The following CANX variants were observed in gnomAD, a reference collection of about 807,000 sequenced individuals.
The protein encoded by CANX is calnexin.
A neutral mutation model predicts 75.7 loss-of-function variants in CANX; 14 were observed. That is an observed-to-expected ratio of 0.19 (90% CI 0.12 to 0.29). CANX has a LOEUF of 0.29. Ranked by LOEUF, CANX falls within the 10% of genes least tolerant of loss-of-function variation. CANX has a pLI of 1.00. For missense variants in CANX, 567 were observed against 713.2 expected, an observed-to-expected ratio of 0.79 and a Z score of 2.34; for synonymous variants, 227 against 236.9, an observed-to-expected ratio of 0.96 and a Z score of 0.38.
At chr5:179,685,296 T>TG (rs1009025442) in intron 1 of CANX, among the ~76,000 whole-genome samples, 49 of 152,028 alleles carry the variant, frequency 3.2e-4, no homozygotes, top group Non-Finnish European at 1.0e-4. Flanking sequence ...TTTTTTGAGA[T>TG]GGAGTTTCAC....
exon 1 of CANX, chr5:179,678,758 A>G (rs1775969271): frequency 1.3e-6 from 2 of 1,537,088 alleles, no homozygotes; most frequent in East Asian, 2.4e-5. Context: ...GTCTATGAGC[A>G]GTTCCTGCTG....
At chr5:179,684,572 C>T (rs959336576) in intron 1 of CANX, among the ~76,000 whole-genome samples, 1 of 151,164 alleles carries the variant, frequency 6.6e-6, no homozygotes. Flanking sequence ...GATCTCCTGA[C>T]CCCATGATCC....
chr5:179,699,041 CG>C lies in CANX; in HGVS notation c.-61del. 9.0e-7 allele frequency: 1 copy of C among 1,110,822 alleles called. No individual in the cohort carries two copies. Among genetic ancestry groups the C allele is most frequent in the Non-Finnish European group, 1.1e-6 (1 of 903,176 alleles). 68.8% of individuals were successfully genotyped at this position (1,110,822 alleles called of 1,614,324 possible). On this transcript the variant is annotated 5_prime_UTR_variant, in exon 1 of 15. Coordinates refer to ENST00000247461, the MANE Select transcript of CANX (RefSeq NM_001746.4). ...CTCCGCCTCTCTCTTTACTGCGGCG[CG>C]GGGCAAGGTGTGCGGGCGGGAAGGG... is the stretch of plus-strand genomic sequence containing the variant.
chr5:179,691,060 C>G (rs1562440578), intron 1 of CANX, among the ~76,000 whole-genome samples: 1 of 151,988 alleles, frequency 6.6e-6, no homozygotes, highest in Admixed American at 6.6e-5. Context: ...TGTGCTCACT[C>G]TGTTGCCCAG....
rs750752034 is a variant in CANX at position 179,709,863 on chromosome 5, G to C, written c.529-10G>C. On this transcript the variant is annotated splice_polypyrimidine_tract_variant and intron_variant, in intron 6 of 14. Transcript: ENST00000247461. ...CAGTGACTTCAAATAATCCTTTTTT[G>C]TTTTTGAAGGATCAGTTCCATGACA... 2 of 1,538,204 alleles carry C rather than the reference G, an allele frequency of 1.3e-6. No individual in the cohort carries two copies. The highest frequency in any genetic ancestry group is 1.7e-6 in the Non-Finnish European group (2 of 1,144,602).
At chr5:179,713,786 T>C (rs1390038177) in intron 7 of CANX, among the ~76,000 whole-genome samples, 1 of 152,134 alleles carries the variant, frequency 6.6e-6, no homozygotes, top group African/African-American at 2.4e-5. Context: ...TGGTAGCATG[T>C]ACCTCTAGTC....
In CANX at chr5:179,719,717, G is replaced by A. The variant is rs140056120; in HGVS notation, c.961G>A (p.Glu321Lys). 37 of 1,613,316 alleles carry A rather than the reference G, an allele frequency of 2.3e-5. No homozygotes were observed. In the African/African-American group the frequency reaches 3.9e-4, roughly 17 times the overall value. Residue 321 changes from glutamate (E) to lysine (K), a missense_variant, in exon 9 of 15, where the codon GAA becomes AAA. Physicochemically the swap from Glu to Lys is moderately conservative, Grantham distance 56. Coordinates refer to ENST00000247461, the MANE Select transcript of CANX (RefSeq NM_001746.4). Reference sequence around the variant, plus strand: ...TCCAGATGAAGAGGCCACAAAACCCGAAGGCTGGTTAGATGATGAGCCTGA... The same window carrying A: ...TCCAGATGAAGAGGCCACAAAACCCAAAGGCTGGTTAGATGATGAGCCTGA... ...KIPDEEATKP[E>K]GWLDDEPEYV...
Position 179,724,855 on chromosome 5 carries a change from T to C in CANX, c.1645+72T>C. The C allele has an allele frequency of 2.0e-6, 3 of 1,516,256 alleles. No homozygotes were observed. The South Asian group carries it at 3.7e-5, about 19-fold the overall frequency. The allele number at this position is 1,516,256 out of a possible 1,614,324, so 93.9% of individuals were successfully genotyped here. On this transcript the variant is annotated intron_variant, in intron 13 of 14. Transcript: ENST00000247461. ...ATGTTGTTAAACCTTTACAGTCAAG[T>C]TAAGGATTGTTTTTAGCCAGGCGTG...
chr5:179,701,585 A>G (rs1776761988), intron 1 of CANX, among the ~76,000 whole-genome samples: 1 of 152,074 alleles, frequency 6.6e-6, no homozygotes, highest in South Asian at 2.1e-4. Context: ...AAACAAAAAA[A>G]AAAGTGTAAT....
At chr5:179,720,297 A>T (rs1165098254) in intron 9 of CANX, 107 bp from the exon 10 acceptor site, 2 of 696,886 alleles carry the variant, frequency 2.9e-6, no homozygotes, top group Non-Finnish European at 4.9e-6. Flanking sequence ...CTGGTCTGGG[A>T]TACTGTGAAA....
chr5:179,689,193 G>A (rs1164432116), intron 1 of CANX, among the ~76,000 whole-genome samples: 1 of 152,090 alleles, frequency 6.6e-6, no homozygotes, highest in Non-Finnish European at 1.5e-5. Flanking sequence ...GTTGCAGTGA[G>A]CAGAGATCGT....
chr5:179,705,789 C>A lies in CANX; in HGVS notation c.108C>A (p.Asp36Glu). 1 of 1,612,418 alleles carries A rather than the reference C, an allele frequency of 6.2e-7. No homozygotes were observed. The highest frequency in any genetic ancestry group is 8.5e-7 in the Non-Finnish European group (1 of 1,178,540). ...DDVIDIEDDL[D>E]DVIEEVEDSK... is the part of the protein sequence containing the mutation. The stretch of plus-strand genomic sequence containing the variant: ...TGATTGATATTGAGGATGACCTTGA[C>A]GATGTCATTGAAGAGGTAGAAGACT... The change falls in exon 2 of 15, where the codon GAC becomes GAA. Residue 36 changes from aspartate (D) to glutamate (E), a missense_variant. By Grantham distance (45) the Asp-to-Glu change is conservative. Around this residue, in one of 3 missense-constraint regions of CANX, gnomAD observed 351 missense variants for 433.8 expected, o/e 0.81. Transcript: ENST00000247461.
At chr5:179,697,048 CTGTT>C (rs1220396866), upstream of CANX, among the ~76,000 whole-genome samples, 1 of 152,196 alleles carries the variant, frequency 6.6e-6, no homozygotes, top group East Asian at 1.9e-4. Flanking sequence ...TGTAAAACAT[CTGTT>C]TGTTTTTATT....
rs563513896 is a variant in CANX at position 179,703,311 on chromosome 5, A to G, written c.-3-2368A>G. On this transcript the variant is annotated intron_variant, in intron 1 of 14. Transcript: ENST00000247461. Reference sequence around the variant, plus strand: ...CGGGTCACTGCATCCTCCGCCTCCCAGGTTCAAGCGATTCTCCTCCCTCAG... The same window carrying G: ...CGGGTCACTGCATCCTCCGCCTCCCGGGTTCAAGCGATTCTCCTCCCTCAG... Among the ~76,000 whole-genome samples the G allele has an allele frequency of 2.1e-5, 3 of 146,218 alleles. No individual in the cohort carries two copies. In the South Asian group the frequency reaches 6.8e-4, roughly 33 times the overall value.
At chr5:179,680,774 GAGAA>G (rs1354070843) in intron 1 of CANX, 1 of 890,082 alleles carries the variant, frequency 1.1e-6, no homozygotes, top group Admixed American at 2.3e-5. Flanking sequence ...GCAGTGAGAA[GAGAA>G]AGAACTAGAG....
intron 13 of CANX, among the ~76,000 whole-genome samples, chr5:179,726,191 G>A (rs1396693413): frequency 1.3e-5 from 2 of 151,358 alleles, no homozygotes; most frequent in Non-Finnish European, 2.9e-5. Flanking sequence ...CGGAGGCTGA[G>A]GTAGGAGATC....
At chr5:179,684,926 A>ATTTTTTTTTTTTTTTTTTTTT (rs71001039) in intron 1 of CANX, among the ~76,000 whole-genome samples, 6 of 49,148 alleles carry the variant, frequency 1.2e-4, no homozygotes, top group African/African-American at 2.7e-4. Context: ...CTAATTTTGT[A>ATTTTTTTTTTTTTTTTTTTTT]TTTTTTTTTT....
At chr5:179,688,445 G>A (rs949805124) in intron 1 of CANX, among the ~76,000 whole-genome samples, 2 of 144,096 alleles carry the variant, frequency 1.4e-5, no homozygotes, top group Non-Finnish European at 3.0e-5. Flanking sequence ...TTCACTGCAA[G>A]CTCTGCCTCC....
chr5:179,686,575 C>T lies in CANX; in HGVS notation c.-4+7798C>T, dbSNP rs143458368. On this transcript the variant is annotated intron_variant, in intron 1 of 14. Coordinates refer to the CANX transcript ENST00000681674. ...CCACAGCCTTGACCTCCCCAGGCTC[C>T]GGTGATCCTCCCATGTAGCTGGGAC... 9.9e-5 allele frequency among the ~76,000 whole-genome samples: 15 copies of T among 152,148 alleles called. 1 individual carries two copies. In the East Asian group the frequency reaches 1.9e-3, roughly 20 times the overall value.
Sources: allele counts gnomAD v4.1 joint callset (sites outside exome capture counted in the v4.1 genomes callset), GRCh38; gene constraint gnomAD v4.1.1; regional missense constraint gnomAD v4.1.1; transcripts MANE v1.5; gene names NCBI Gene and HGNC (gene_info 2026-07-23, HGNC 2026-07-21).